The following LRRC4C variants were observed in gnomAD, a reference collection of about 807,000 sequenced individuals.
LRRC4C encodes the protein leucine-rich repeat-containing protein 4C.
Under a neutral mutation model 33.6 loss-of-function variants are expected in LRRC4C, and 5 were observed. That is an observed-to-expected ratio of 0.15 (90% CI 0.08 to 0.31). The LOEUF is 0.31. LRRC4C is among the 10% of genes least tolerant of loss of function. LRRC4C has a pLI of 1.00. For synonymous variants in LRRC4C, 329 were observed against 302.0 expected (o/e 1.09, Z -0.93); for missense variants, 560 against 796.7 (o/e 0.70, Z 3.58).
chr11:40,585,117 G>C (rs1264404336), intron 3 of LRRC4C, among the ~76,000 whole-genome samples: 2 of 152,072 alleles, frequency 1.3e-5, no homozygotes, highest in Non-Finnish European at 2.9e-5. Flanking sequence ...TATGCAGATA[G>C]GACCATGCAA....
At chr11:40,951,385 T>C (rs1958683371) in intron 1 of LRRC4C, among the ~76,000 whole-genome samples, 1 of 151,702 alleles carries the variant, frequency 6.6e-6, no homozygotes, top group Non-Finnish European at 1.5e-5. Context: ...TGCTTCTTAG[T>C]TTAATCTGGC....
intron 4 of LRRC4C, among the ~76,000 whole-genome samples, chr11:40,269,848 A>G (rs1476375197): frequency 1.3e-5 from 2 of 152,110 alleles, no homozygotes; most frequent in African/African-American, 4.8e-5. Context: ...CTAATATTTG[A>G]GACAGATCCT....
chr11:40,498,460 GT>G (rs2138593547), intron 3 of LRRC4C, among the ~76,000 whole-genome samples: 1 of 152,214 alleles, frequency 6.6e-6, no homozygotes, highest in South Asian at 2.1e-4. Flanking sequence ...TCTCCAAATG[GT>G]TTCATTACTT....
At chr11:41,139,266 T>C (rs1007488471) in intron 1 of LRRC4C, among the ~76,000 whole-genome samples, 1 of 152,198 alleles carries the variant, frequency 6.6e-6, no homozygotes, top group Non-Finnish European at 1.5e-5. Flanking sequence ...AAATAATTTA[T>C]AGTAAGGGAC....
chr11:41,109,316 A>T (rs933568092), intron 1 of LRRC4C, among the ~76,000 whole-genome samples: 1 of 152,082 alleles, frequency 6.6e-6, no homozygotes, highest in Non-Finnish European at 1.5e-5. Flanking sequence ...TCATGCCTTC[A>T]CTGTTTGTCT....
At chr11:41,089,423 G>A (rs1428182366) in intron 1 of LRRC4C, among the ~76,000 whole-genome samples, 1 of 151,964 alleles carries the variant, frequency 6.6e-6, no homozygotes, top group African/African-American at 2.4e-5. Context: ...GTAATGACTG[G>A]AGAGTAAGAC....
intron 1 of LRRC4C, among the ~76,000 whole-genome samples, chr11:40,991,192 C>T (rs1204169991): frequency 3.2e-5 from 4 of 125,722 alleles, no homozygotes; most frequent in Non-Finnish European, 1.6e-5. Context: ...AACCTGGCAG[C>T]TTCCCAATAT....
chr11:40,348,873 G>A (rs998034612), intron 3 of LRRC4C, among the ~76,000 whole-genome samples: 5 of 152,150 alleles, frequency 3.3e-5, no homozygotes, highest in Non-Finnish European at 7.4e-5. Flanking sequence ...TGAGGGAAAT[G>A]TCTTTTTAAA....
chr11:40,559,181 C>CTTTTT (rs71060968), intron 3 of LRRC4C, among the ~76,000 whole-genome samples: 2 of 124,660 alleles, frequency 1.6e-5, no homozygotes, highest in Non-Finnish European at 1.7e-5. Context: ...TTGCATGCGT[C>CTTTTT]TTTTTTTTTT....
Position 41,028,581 on chromosome 11 carries a change from A to T in LRRC4C, c.-495-94858T>A, listed in dbSNP as rs867403131. ...TTTTTAGTATTCACGACACACACAC[A>T]CACACACACACACACACACACACAC... On this transcript the variant is annotated intron_variant, in intron 1 of 6. Coordinates refer to ENST00000528697, the MANE Select transcript of LRRC4C (RefSeq NM_001258419.2). Among the ~76,000 whole-genome samples the T allele has an allele frequency of 2.5e-3, 356 of 140,556 alleles. 2 individuals are homozygous for T. The highest frequency in any genetic ancestry group is 8.8e-3 in the African/African-American group (340 of 38,604). 92.2% of individuals were successfully genotyped at this position (140,556 alleles called of 152,430 possible). A position where few individuals can be genotyped will look rare whatever the true frequency, so the allele number is the denominator to read the frequency against.
intron 3 of LRRC4C, among the ~76,000 whole-genome samples, chr11:40,326,079 A>G (rs962980291): frequency 1.1e-4 from 16 of 151,254 alleles, no homozygotes; most frequent in Non-Finnish European, 1.9e-4. Context: ...AAAAAAAAAA[A>G]GGTGGAATTT....
intron 1 of LRRC4C, among the ~76,000 whole-genome samples, chr11:41,337,631 G>C (rs1412575433): frequency 6.6e-6 from 1 of 152,070 alleles, no homozygotes; most frequent in Non-Finnish European, 1.5e-5. Flanking sequence ...GCATGGGCAA[G>C]GGTTTCATTA....
At chr11:40,423,982 C>CATGTAT (rs1307077120) in intron 3 of LRRC4C, among the ~76,000 whole-genome samples, 2 of 151,986 alleles carry the variant, frequency 1.3e-5, no homozygotes, top group Non-Finnish European at 2.9e-5. Flanking sequence ...TATAAAAACT[C>CATGTAT]ATGTATATGT....
intron 3 of LRRC4C, among the ~76,000 whole-genome samples, chr11:40,458,769 G>T (rs1335281754): frequency 6.6e-6 from 1 of 152,162 alleles, no homozygotes; most frequent in South Asian, 2.1e-4. Context: ...CTCATAGGAT[G>T]TCAACCCCTC....
chr11:40,937,108 T>C (rs970761540), intron 1 of LRRC4C, among the ~76,000 whole-genome samples: 5 of 152,148 alleles, frequency 3.3e-5, no homozygotes, highest in African/African-American at 9.7e-5. Flanking sequence ...ATGTGGTACA[T>C]ATAAATGTGA....
At chr11:40,866,070 A>G (rs1364561086) in intron 2 of LRRC4C, among the ~76,000 whole-genome samples, 2 of 151,184 alleles carry the variant, frequency 1.3e-5, no homozygotes, top group African/African-American at 2.4e-5. Flanking sequence ...ATCCTTGCCA[A>G]TTGGGTCAGA....
At chr11:41,035,093 T>C (rs1856982182) in intron 1 of LRRC4C, among the ~76,000 whole-genome samples, 1 of 151,370 alleles carries the variant, frequency 6.6e-6, no homozygotes, top group South Asian at 2.1e-4. Context: ...ATTCATGATT[T>C]TACCTGTTTA....
chr11:41,438,076 A>T (rs1469201743), intron 1 of LRRC4C, among the ~76,000 whole-genome samples: 2 of 89,978 alleles, frequency 2.2e-5, no homozygotes, highest in African/African-American at 3.2e-5. Context: ...TAAATAATAA[A>T]AAAAAATAAT....
intron 1 of LRRC4C, among the ~76,000 whole-genome samples, chr11:41,260,241 A>G (rs1444459336): frequency 6.6e-6 from 1 of 152,062 alleles, no homozygotes; most frequent in Non-Finnish European, 1.5e-5. Flanking sequence ...AGATCCTACA[A>G]TTTAGAAACT....
Sources: gnomAD v4.1 joint callset for allele counts (sites outside exome capture counted in the v4.1 genomes callset) on GRCh38, gnomAD v4.1.1 for gene constraint, MANE v1.5 for transcripts, NCBI Gene and HGNC (gene_info 2026-07-23, HGNC 2026-07-21) for gene names.